The following ZBTB16 variants were observed in gnomAD, a reference collection of about 807,000 sequenced individuals.
ZBTB16 encodes zinc finger and BTB domain-containing protein 16.
A neutral mutation model predicts 56.8 loss-of-function variants in ZBTB16; 8 were observed. The observed-to-expected ratio is 0.14, with a 90% CI of 0.08 to 0.25. The LOEUF is 0.25. Ranked by LOEUF, ZBTB16 falls within the 10% of genes least tolerant of loss-of-function variation. ZBTB16 has a pLI of 1.00. For missense variants in ZBTB16, 625 were observed against 903.0 expected (o/e 0.69, Z 3.95); for synonymous variants, 363 against 368.5 (o/e 0.98, Z 0.17).
intron 3 of ZBTB16, among the ~76,000 whole-genome samples, chr11:114,159,266 T>C (rs1942511052): frequency 6.6e-6 from 1 of 152,156 alleles, no homozygotes; most frequent in Non-Finnish European, 1.5e-5. Flanking sequence ...TCCAGAGGCT[T>C]TGGGAGTTGG....
intron 4 of ZBTB16, among the ~76,000 whole-genome samples, chr11:114,238,944 T>C (rs969707824): frequency 2.0e-5 from 3 of 152,152 alleles, no homozygotes; most frequent in African/African-American, 7.2e-5. Flanking sequence ...CTCTGGGTGG[T>C]TGTTAACTCA....
At chr11:114,190,361 G>A (rs1943463540) in intron 4 of ZBTB16, among the ~76,000 whole-genome samples, 1 of 152,154 alleles carries the variant, frequency 6.6e-6, no homozygotes, top group Admixed American at 6.5e-5. Flanking sequence ...CTAACCTACT[G>A]AACATCATAG....
chr11:114,187,343 C>T (rs182436656), intron 4 of ZBTB16: 52 of 443,778 alleles, frequency 1.2e-4, no homozygotes, highest in African/African-American at 9.4e-4. Context: ...TTGTTGAGGC[C>T]TTAGTCTGTG....
intron 3 of ZBTB16, among the ~76,000 whole-genome samples, chr11:114,159,094 G>A (rs573920761): frequency 3.5e-4 from 53 of 152,366 alleles, no homozygotes; most frequent in Non-Finnish European, 3.1e-4. Flanking sequence ...CTGCAGAAAA[G>A]AAAGGGTTGC....
At chr11:114,124,557 C>CAAAAAAAAAAAAAAAAAAAAACA (rs1381254014) in intron 2 of ZBTB16, among the ~76,000 whole-genome samples, 50 of 40,812 alleles carry the variant, frequency 1.2e-3, no homozygotes, top group Non-Finnish European at 1.6e-3. Flanking sequence ...AAAAAAAAAC[C>CAAAAAAAAAAAAAAAAAAAAACA]AAAAAAAAAA....
rs775278528 is a variant in ZBTB16 at position 114,143,991 on chromosome 11, G to A, written c.1269-12346G>A. Among the ~76,000 whole-genome samples the A allele has an allele frequency of 1.1e-4, 17 of 152,184 alleles. No individual in the cohort carries two copies. Among genetic ancestry groups the A allele is most frequent in the Non-Finnish European group, 1.9e-4 (13 of 68,028 alleles). On this transcript the variant is annotated intron_variant, in intron 2 of 6. Coordinates refer to ENST00000335953, the MANE Select transcript of ZBTB16 (RefSeq NM_006006.6). This position sits in a 1 kb window ranked among gnomAD's most constrained non-coding sequence, Gnocchi z 6.4. ...TGCGTGTAAGGAGCAAGAGGAGCACGCAAGCTGCCTGGTGCTTTTCCCCAT... is the reference window on the plus strand; with the variant it reads ...TGCGTGTAAGGAGCAAGAGGAGCACACAAGCTGCCTGGTGCTTTTCCCCAT...
intron 4 of ZBTB16, among the ~76,000 whole-genome samples, chr11:114,228,041 A>G (rs1013086850): frequency 2.0e-5 from 3 of 152,314 alleles, no homozygotes; most frequent in African/African-American, 7.2e-5. Context: ...TGACTCCTAG[A>G]CAGGGATTCT....
chr11:114,082,786 C>G (rs539401887), intron 2 of ZBTB16, among the ~76,000 whole-genome samples: 1 of 152,176 alleles, frequency 6.6e-6, no homozygotes, highest in African/African-American at 2.4e-5. Flanking sequence ...CTTCAGCTGT[C>G]AGGATCAAAG....
chr11:114,231,092 C>T (rs1156237149), intron 4 of ZBTB16, among the ~76,000 whole-genome samples: 1 of 152,136 alleles, frequency 6.6e-6, no homozygotes, highest in African/African-American at 2.4e-5. Flanking sequence ...GAGAGAGTGA[C>T]CATCTATAGA....
At chr11:114,212,838 C>G (rs376060772) in intron 4 of ZBTB16, among the ~76,000 whole-genome samples, 3 of 152,216 alleles carry the variant, frequency 2.0e-5, no homozygotes, top group African/African-American at 7.2e-5. Context: ...GCAGTCCGTG[C>G]TCACGTGTGC....
rs950651066 is a variant in ZBTB16 at position 114,251,044 on chromosome 11, G to A, written c.*489G>A. Among the ~76,000 whole-genome samples the A allele has an allele frequency of 3.3e-5, 5 of 152,140 alleles. No individual in the cohort carries two copies. Among genetic ancestry groups the A allele is most frequent in the Non-Finnish European group, 7.4e-5 (5 of 68,020 alleles). ...GGCTGGGTCACTAGCTGCTCAAAAT[G>A]GCAGCTCTAGTTTGCTGGCGGCTGA... is the stretch of plus-strand genomic sequence containing the variant. On this transcript the variant is annotated 3_prime_UTR_variant, in exon 7 of 7. Coordinates refer to ENST00000335953, the MANE Select transcript of ZBTB16 (RefSeq NM_006006.6).
chr11:114,179,392 C>T (rs1210378498), intron 3 of ZBTB16, among the ~76,000 whole-genome samples: 2 of 152,004 alleles, frequency 1.3e-5, no homozygotes, highest in Non-Finnish European at 2.9e-5. Flanking sequence ...TGCTGTTCTC[C>T]GTCTGATAAG....
At chr11:114,131,060 G>A (rs1490995491) in intron 2 of ZBTB16, among the ~76,000 whole-genome samples, 1 of 152,204 alleles carries the variant, frequency 6.6e-6, no homozygotes, top group Non-Finnish European at 1.5e-5. Flanking sequence ...TATCATTTGT[G>A]ATTGCACAGT....
At chr11:114,151,815 C>T (rs1942285460) in intron 2 of ZBTB16, among the ~76,000 whole-genome samples, 1 of 152,224 alleles carries the variant, frequency 6.6e-6, no homozygotes, top group Admixed American at 6.5e-5. Context: ...CGAGCTTACC[C>T]TGCAGAGAGT....
At chr11:114,219,465 G>T (rs1356940940) in intron 4 of ZBTB16, among the ~76,000 whole-genome samples, 1 of 152,102 alleles carries the variant, frequency 6.6e-6, no homozygotes, top group African/African-American at 2.4e-5. Flanking sequence ...CCTTTGGATG[G>T]GGTGCTGGGG....
At chr11:114,075,791 A>C (rs1939539746) in intron 2 of ZBTB16, among the ~76,000 whole-genome samples, 1 of 152,176 alleles carries the variant, frequency 6.6e-6, no homozygotes, top group South Asian at 2.1e-4. Flanking sequence ...AAAATTAAAA[A>C]GAATGGCATA....
At position 114,064,068 on chromosome 11, in the gene ZBTB16, C is replaced by G; in HGVS notation, c.768C>G (p.Ser256Arg). 6.2e-7 allele frequency: 1 copy of G among 1,613,686 alleles called. No homozygotes were observed. The change falls in exon 2 of 7, where the codon AGC (serine) becomes AGG (arginine). Residue 256 changes from serine (S) to arginine (R), a missense_variant. Transcript: ENST00000335953. This position sits in a 1 kb window ranked among gnomAD's most constrained non-coding sequence, Gnocchi z 4.2. ...TGGATGAGGTGCCCAGCCAGGACAG[C>G]CCTGGGGCAGCCGAGTCCAGCATCT... ...MQVDEVPSQD[S>R]PGAAESSISG... is the part of the protein sequence containing the mutation.
Position 114,064,844 on chromosome 11 carries a change from G to GT in ZBTB16, c.1268+279dup, listed in dbSNP as rs1038014669. On this transcript the variant is annotated intron_variant, in intron 2 of 6. Transcript: ENST00000335953. The surrounding 1 kb of genome is among the most constrained non-coding windows in gnomAD (Gnocchi z 4.2). Reference sequence around the variant, plus strand: ...CTTTGTTTTTTGCTTTTGGGCCCCTGTTTGTTTTTTCGGCTGTTTGGTCTG... The same window carrying GT: ...CTTTGTTTTTTGCTTTTGGGCCCCTGTTTTGTTTTTTCGGCTGTTTGGTCTG... Among the ~76,000 whole-genome samples the GT allele has an allele frequency of 6.6e-6, 1 of 152,122 alleles. No homozygotes were observed. Among genetic ancestry groups the GT allele is most frequent in the Admixed American group, 6.6e-5 (1 of 15,250 alleles).
At chr11:114,218,950 T>A (rs1002963285) in intron 4 of ZBTB16, among the ~76,000 whole-genome samples, 1 of 151,972 alleles carries the variant, frequency 6.6e-6, no homozygotes, top group Non-Finnish European at 1.5e-5. Flanking sequence ...TCCGCTTGAG[T>A]TTTTTCCTGT....
Sources: gnomAD v4.1 joint callset for allele counts (sites outside exome capture counted in the v4.1 genomes callset) on GRCh38, gnomAD v4.1.1 for gene constraint, Gnocchi (gnomAD v3.1) non-coding constraint, MANE v1.5 for transcripts, NCBI Gene and HGNC (gene_info 2026-07-23, HGNC 2026-07-21) for gene names.